RALGAPA1: variants seen among roughly 807,000 people sequenced by gnomAD.
RALGAPA1 encodes the protein Ral GTPase activating protein catalytic subunit alpha 1.
In RALGAPA1, 52 loss-of-function variants were observed where a neutral mutation model predicts 269.6. The observed-to-expected ratio is 0.19, with a 90% confidence interval of 0.15 to 0.24. RALGAPA1 has a LOEUF of 0.24. Among genes scored for constraint, RALGAPA1 ranks in the 10% least tolerant of loss-of-function variants. RALGAPA1 has a pLI of 1.00. For synonymous variants in RALGAPA1, 817 were observed against 1,008.3 expected (o/e 0.81, Z 3.60); for missense variants, 1,917 against 3,013.9 (o/e 0.64, Z 8.52).
chr14:35,571,871 C>A lies in RALGAPA1; in HGVS notation c.7368+689G>T, dbSNP rs563959719. 4.6e-5 allele frequency among the ~76,000 whole-genome samples: 7 copies of A among 152,278 alleles called. No homozygotes were observed. In the South Asian group the frequency reaches 1.2e-3, roughly 27 times the overall value. On this transcript the variant is annotated intron_variant, in intron 38 of 41. Coordinates refer to ENST00000680220, the MANE Select transcript of RALGAPA1 (RefSeq NM_001346249.2). ...AACCCTGAAGAAACCTAAATTCACA[C>A]ATAAGAAATTCATACATGAGAAACT...
chr14:35,570,247 G>T (rs900093850), intron 39 of RALGAPA1, among the ~76,000 whole-genome samples: 3 of 149,296 alleles, frequency 2.0e-5, no homozygotes, highest in African/African-American at 7.5e-5. Flanking sequence ...TCCAGCCTGG[G>T]TGACAAAAGT....
intron 4 of RALGAPA1, chr14:35,766,342 G>T: frequency 7.9e-7 from 1 of 1,269,664 alleles, no homozygotes; most frequent in African/African-American, 1.5e-5. Context: ...ATGATTCCCA[G>T]TTTGACAAAT....
intron 27 of RALGAPA1, 108 bp from the exon 28 acceptor site, chr14:35,659,304 C>T (rs1357725981): frequency 4.6e-6 from 3 of 653,724 alleles, no homozygotes; most frequent in Admixed American, 3.4e-5. Context: ...CATGTATGTA[C>T]TTTCAATAAA....
At chr14:35,682,602 G>A (rs1165742884) in intron 21 of RALGAPA1, among the ~76,000 whole-genome samples, 2 of 152,062 alleles carry the variant, frequency 1.3e-5, no homozygotes, top group Admixed American at 6.6e-5. Context: ...CACCATGCCC[G>A]GCCGTCAGTG....
At position 35,775,047 on chromosome 14, in the gene RALGAPA1, A is replaced by G; in HGVS notation, c.226T>C (p.Ser76Pro). Residue 76 changes from serine (S) to proline (P), a missense_variant, in exon 3 of 42, where the codon TCT becomes CCT. Transcript: ENST00000680220. ...EASLKQKGHK[S>P]QREELDAILF... ...ATAGCATCCAATTCCTCTCTTTGAG[A>G]CTTGTGACCTAAAACATTTTTATAA... The G allele has an allele frequency of 6.5e-7, 1 of 1,544,494 alleles. No homozygotes were observed. The highest frequency in any genetic ancestry group is 8.9e-7 in the Non-Finnish European group (1 of 1,124,510).
At chr14:35,742,679 C>A (rs1194714706) in intron 10 of RALGAPA1, 114 bp from the exon 11 acceptor site, 1 of 720,396 alleles carries the variant, frequency 1.4e-6, no homozygotes, top group South Asian at 1.7e-5. Flanking sequence ...CAACTTTAAG[C>A]AAAACAATGA....
chr14:35,632,829 G>A (rs1811839559), intron 33 of RALGAPA1, among the ~76,000 whole-genome samples: 1 of 152,130 alleles, frequency 6.6e-6, no homozygotes, highest in Non-Finnish European at 1.5e-5. Context: ...ACTTGAAGAT[G>A]ATGAAACATG....
rs1201928255 is a variant in RALGAPA1 at position 35,688,852 on chromosome 14, C to A, written c.3559G>T (p.Gly1187Cys). ...TTGCTAGTGCTGCTATTGCTGCTAC[C>A]ACTACTAAAGCCACCGAGCTTCCGC... ...RLRKLGGFSSGSSNSSTSNTH... is the reference protein window; with the variant it reads ...RLRKLGGFSSCSSNSSTSNTH... The change falls in exon 18 of 42, where the codon GGT (glycine) becomes TGT (cysteine). Residue 1187 changes from glycine to cysteine, a missense_variant. Gly to Cys is a radical substitution (Grantham distance 159, BLOSUM62 -3). This residue lies in a region of RALGAPA1 where 615 missense variants were observed against 790.0 expected (regional missense o/e 0.78). Coordinates refer to ENST00000680220, the MANE Select transcript of RALGAPA1 (RefSeq NM_001346249.2). 3 of 1,305,044 alleles carry A rather than the reference C, an allele frequency of 2.3e-6. No individual in the cohort carries two copies. Among genetic ancestry groups the A allele is most frequent in the Non-Finnish European group, 2.9e-6 (3 of 1,030,158 alleles). 80.8% of individuals were successfully genotyped at this position (1,305,044 alleles called of 1,614,324 possible). A position where few individuals can be genotyped will look rare whatever the true frequency, so the allele number is the denominator to read the frequency against.
At chr14:35,569,722 A>C (rs2057013640) in intron 39 of RALGAPA1, among the ~76,000 whole-genome samples, 1 of 152,132 alleles carries the variant, frequency 6.6e-6, no homozygotes, top group Admixed American at 6.5e-5. Flanking sequence ...AAATTGGTTC[A>C]ATCCTCACTG....
intron 35 of RALGAPA1, among the ~76,000 whole-genome samples, chr14:35,612,715 T>C (rs1371071620): frequency 6.6e-6 from 1 of 152,018 alleles, no homozygotes; most frequent in Non-Finnish European, 1.5e-5. Flanking sequence ...ATTTTTTGTA[T>C]TTTTAGTAGA....
In RALGAPA1 at chr14:35,722,970, C is replaced by A. The variant is rs945360524; in HGVS notation, c.2104+57G>T. The A allele has an allele frequency of 9.2e-5, 96 of 1,045,306 alleles. 2 individuals carry two copies. The East Asian group carries it at 2.3e-3, about 25-fold the overall frequency. 64.8% of individuals were successfully genotyped at this position (1,045,306 alleles called of 1,614,324 possible). Reference sequence around the variant, plus strand: ...TCACCCCTCTCCCTGGAATGGTTTTCCCTGACTCAATTATTTAAACAAATT... The same window carrying A: ...TCACCCCTCTCCCTGGAATGGTTTTACCTGACTCAATTATTTAAACAAATT... On this transcript the variant is annotated intron_variant, in intron 15 of 41. Coordinates refer to ENST00000680220, the MANE Select transcript of RALGAPA1 (RefSeq NM_001346249.2).
intron 39 of RALGAPA1, among the ~76,000 whole-genome samples, chr14:35,557,386 TTAAGA>T (rs968946451): frequency 1.2e-4 from 18 of 151,852 alleles, no homozygotes; most frequent in Admixed American, 4.6e-4. Flanking sequence ...ACTAATTTAA[TTAAGA>T]TTTTATTTAA....
At chr14:35,745,602 A>G (rs2071996059) in intron 10 of RALGAPA1, among the ~76,000 whole-genome samples, 1 of 151,738 alleles carries the variant, frequency 6.6e-6, no homozygotes, top group South Asian at 2.1e-4. Flanking sequence ...CATCTCTACC[A>G]AAAATACAAA....
chr14:35,766,069 C>T (rs1250378842), intron 4 of RALGAPA1: 1 of 1,282,058 alleles, frequency 7.8e-7, no homozygotes, highest in African/African-American at 1.5e-5. Flanking sequence ...AGTGCAGTTG[C>T]CATATCGGCA....
intron 39 of RALGAPA1, among the ~76,000 whole-genome samples, chr14:35,550,240 T>C (rs1000281359): frequency 2.0e-5 from 3 of 152,222 alleles, no homozygotes; most frequent in Admixed American, 2.0e-4. Context: ...CTTCATGTCA[T>C]ATAGTTCCTG....
chr14:35,737,830 T>C (rs926595428), intron 12 of RALGAPA1, among the ~76,000 whole-genome samples: 2 of 118,638 alleles, frequency 1.7e-5, no homozygotes, highest in Non-Finnish European at 3.3e-5. Context: ...CTCACACCTA[T>C]AATCCCAGCA....
intron 1 of RALGAPA1, among the ~76,000 whole-genome samples, chr14:35,800,990 C>T (rs779076016): frequency 6.7e-5 from 10 of 150,126 alleles, no homozygotes; most frequent in Non-Finnish European, 1.0e-4. Context: ...GGGCGACGAG[C>T]GAAACTCTGT....
chr14:35,719,378 C>T (rs1455687678), intron 16 of RALGAPA1, among the ~76,000 whole-genome samples: 1 of 152,146 alleles, frequency 6.6e-6, no homozygotes, highest in African/African-American at 2.4e-5. Context: ...CTAATTTAAT[C>T]TGCTGCCCCT....
chr14:35,787,787 G>A (rs1343705225), intron 1 of RALGAPA1, among the ~76,000 whole-genome samples: 3 of 150,606 alleles, frequency 2.0e-5, no homozygotes, highest in East Asian at 3.9e-4. Context: ...TCACTATGTC[G>A]CCCAGGCTGG....
Sources: gnomAD v4.1 joint callset for allele counts (sites outside exome capture counted in the v4.1 genomes callset) on GRCh38, gnomAD v4.1.1 for gene constraint, gnomAD v4.1.1 regional missense constraint, MANE v1.5 for transcripts, NCBI Gene and HGNC (gene_info 2026-07-23, HGNC 2026-07-21) for gene names.